The following PRKAR1A variants were observed in gnomAD, a reference collection of about 807,000 sequenced individuals.
The protein encoded by PRKAR1A is protein kinase cAMP-dependent type I regulatory subunit alpha.
PRKAR1A carries 3 observed loss-of-function variants against 52.0 expected under a neutral mutation model. The observed-to-expected ratio is 0.06, with a 90% CI of 0.03 to 0.15. The LOEUF (loss-of-function observed/expected upper bound fraction) is 0.15. Among genes scored for constraint, PRKAR1A ranks in the 10% least tolerant of loss-of-function variants. The pLI is 1.00. For missense variants in PRKAR1A, 240 were observed against 477.4 expected, an observed-to-expected ratio of 0.50 and a Z score of 4.63; for synonymous variants, 188 against 168.4, an observed-to-expected ratio of 1.12 and a Z score of -0.90.
the PRKAR1A span, chr17:68,428,903 T>A: frequency 6.2e-7 from 1 of 1,614,160 alleles, no homozygotes; most frequent in Non-Finnish European, 8.5e-7. Flanking sequence ...GTCCACTGGA[T>A]GACGCAACTA....
the PRKAR1A span, among the ~76,000 whole-genome samples, chr17:68,502,541 A>G: frequency 6.6e-6 from 1 of 152,182 alleles, no homozygotes; most frequent in African/African-American, 2.4e-5. Flanking sequence ...ACCTGTGGTC[A>G]GGAGTTCAAG....
intron 11 of PRKAR1A, chr17:68,539,547 C>G (rs1267224396): frequency 9.3e-6 from 7 of 748,874 alleles, no homozygotes; most frequent in African/African-American, 3.4e-5. Flanking sequence ...TCTCCCCAGT[C>G]AGATCACAAA....
At position 68,544,409 on chromosome 17, in the gene PRKAR1A, A is replaced by G. The variant is rs544626157; in HGVS notation, c.974-6675A>G. Among the ~76,000 whole-genome samples the G allele has an allele frequency of 1.1e-3, 169 of 152,226 alleles. 5 individuals are homozygous for G. The highest frequency in any genetic ancestry group is 1.5e-4 in the Non-Finnish European group (10 of 68,004). On this transcript the variant is annotated intron_variant, in intron 11 of 11. Coordinates refer to the PRKAR1A transcript ENST00000585981. ...TGTACATTCATGAAAGTGCTTTTTA[A>G]TCCTTAAGGGCCTTGTGGTGTGAGT...
the PRKAR1A span, chr17:68,493,514 G>A: frequency 7.9e-5 from 12 of 152,178 alleles, no homozygotes; most frequent in African/African-American, 1.4e-4. Flanking sequence ...GGCCACTCCC[G>A]GCGCTGTAGC....
chr17:68,425,595 G>A, the PRKAR1A span, among the ~76,000 whole-genome samples: 1 of 152,096 alleles, frequency 6.6e-6, no homozygotes, highest in African/African-American at 2.4e-5. Context: ...GTAAGTGAGG[G>A]TCAAGCTGGT....
chr17:68,493,051 G>A, the PRKAR1A span, among the ~76,000 whole-genome samples: 1 of 150,922 alleles, frequency 6.6e-6, no homozygotes, highest in Admixed American at 6.7e-5. Flanking sequence ...CTGGTCAAAT[G>A]CTATTTCTGC....
chr17:68,531,489 T>C lies in PRKAR1A; in HGVS notation c.*1040T>C. 1 of 1,066,332 alleles carries C rather than the reference T, an allele frequency of 9.4e-7. No individual in the cohort carries two copies. Among genetic ancestry groups the C allele is most frequent in the Non-Finnish European group, 1.1e-6 (1 of 879,630 alleles). 66.1% of individuals were successfully genotyped at this position (1,066,332 alleles called of 1,614,324 possible). A position where few individuals can be genotyped will look rare whatever the true frequency, so the allele number is the denominator to read the frequency against. On this transcript the variant is annotated 3_prime_UTR_variant, in exon 11 of 11. Coordinates refer to ENST00000589228, the MANE Select transcript of PRKAR1A (RefSeq NM_002734.5). ...GAAATGCCAGGCGGACAAAGTTCAGTGTCGGGAATTTTCCCCGTGACATTC... is the reference window on the plus strand; with the variant it reads ...GAAATGCCAGGCGGACAAAGTTCAGCGTCGGGAATTTTCCCCGTGACATTC...
At chr17:68,550,398 A>G (rs1007134181) in intron 11 of PRKAR1A, among the ~76,000 whole-genome samples, 5 of 22,452 alleles carry the variant, frequency 2.2e-4, no homozygotes, top group South Asian at 1.3e-3. Context: ...TTTTTTTTTA[A>G]GATAGAGAGT....
the PRKAR1A span, among the ~76,000 whole-genome samples, chr17:68,494,327 G>T: frequency 2.6e-5 from 4 of 152,050 alleles, no homozygotes; most frequent in Non-Finnish European, 5.9e-5. Context: ...ATCATTTCAG[G>T]TCAGGAGTTC....
At chr17:68,416,450 G>A in the PRKAR1A span, among the ~76,000 whole-genome samples, 4 of 152,032 alleles carry the variant, frequency 2.6e-5, no homozygotes, top group Non-Finnish European at 5.9e-5. Context: ...AGGTTACCTG[G>A]TGATGTTTTT....
At chr17:68,446,011 C>A in the PRKAR1A span, among the ~76,000 whole-genome samples, 1 of 152,262 alleles carries the variant, frequency 6.6e-6, no homozygotes, top group Admixed American at 6.5e-5. Flanking sequence ...TCCTTTTATT[C>A]CAGGGAACAT....
the PRKAR1A span, among the ~76,000 whole-genome samples, chr17:68,441,732 C>T: frequency 1.1e-4 from 16 of 152,178 alleles, no homozygotes; most frequent in African/African-American, 3.1e-4. Flanking sequence ...CCTCAGGTAA[C>T]GCTCTCCGTG....
chr17:68,475,976 T>G, the PRKAR1A span, among the ~76,000 whole-genome samples: 4 of 152,056 alleles, frequency 2.6e-5, no homozygotes, highest in Admixed American at 6.6e-5. Context: ...GTTGATTTTT[T>G]GGGGGGGTTA....
chr17:68,506,410 C>A, the PRKAR1A span, among the ~76,000 whole-genome samples: 2 of 151,916 alleles, frequency 1.3e-5, no homozygotes, highest in Non-Finnish European at 1.5e-5. Context: ...TGTACCCCCC[C>A]AATCCCACCC....
chr17:68,513,217 C>T (rs1402021018), intron 1 of PRKAR1A: 1 of 152,226 alleles, frequency 6.6e-6, no homozygotes, highest in Non-Finnish European at 1.5e-5. Context: ...TGGTCATGAC[C>T]GTGGCCTACG....
chr17:68,438,710 C>T, the PRKAR1A span, among the ~76,000 whole-genome samples: 1 of 152,200 alleles, frequency 6.6e-6, no homozygotes, highest in Non-Finnish European at 1.5e-5. Flanking sequence ...AAGCGATTCT[C>T]CTGTCTCAGC....
At chr17:68,438,758 G>A in the PRKAR1A span, among the ~76,000 whole-genome samples, 103 of 152,250 alleles carry the variant, frequency 6.8e-4, no homozygotes, top group African/African-American at 2.3e-3. Context: ...GTGCCACCAC[G>A]CCCAGCTAAT....
chr17:68,426,247 A>AGGGGGGGGGGGGGGGGGGG, the PRKAR1A span: 3 of 655,800 alleles, frequency 4.6e-6, no homozygotes, highest in Admixed American at 3.9e-5. Flanking sequence ...GCGGGTGGGG[A>AGGGGGGGGGGGGGGGGGGG]GCGGGGGCTC....
chr17:68,459,331 G>A, the PRKAR1A span, among the ~76,000 whole-genome samples: 2 of 152,178 alleles, frequency 1.3e-5, no homozygotes, highest in Non-Finnish European at 2.9e-5. Flanking sequence ...ACGTTGTTTG[G>A]AGAATTACAT....
Sources: gnomAD v4.1 joint callset for allele counts (sites outside exome capture counted in the v4.1 genomes callset) on GRCh38, gnomAD v4.1.1 for gene constraint, MANE v1.5 for transcripts, NCBI Gene and HGNC (gene_info 2026-07-23, HGNC 2026-07-21) for gene names.